The following SYT13 variants were observed in gnomAD, a reference collection of about 807,000 sequenced individuals.
SYT13 encodes synaptotagmin-13.
SYT13 carries 21 observed loss-of-function variants against 38.6 expected under a neutral mutation model. The ratio of observed to expected loss-of-function variants is 0.54; its 90% CI spans 0.39 to 0.78. The LOEUF (loss-of-function observed/expected upper bound fraction) is 0.78, where lower values mean the gene tolerates loss of function less well. Ranked by LOEUF, SYT13 falls within the 30% of genes least tolerant of loss-of-function variation. SYT13 has a pLI of 0.00. For missense variants in SYT13, 495 were observed against 548.7 expected (o/e 0.90, Z 0.98); for synonymous variants, 241 against 237.6 (o/e 1.01, Z -0.13).
intron 1 of SYT13, among the ~76,000 whole-genome samples, chr11:45,262,884 G>A (rs1854836669): frequency 6.6e-6 from 1 of 152,112 alleles, no homozygotes; most frequent in South Asian, 2.1e-4. Flanking sequence ...AGGAACTCGA[G>A]CCCTGTGAGC....
chr11:45,269,948 A>G (rs1854929682), intron 1 of SYT13, among the ~76,000 whole-genome samples: 1 of 152,226 alleles, frequency 6.6e-6, no homozygotes, highest in Non-Finnish European at 1.5e-5. Flanking sequence ...TTGTAATCTC[A>G]TCAACACTCA....
chr11:45,271,845 T>G (rs1854953716), intron 1 of SYT13, among the ~76,000 whole-genome samples: 5 of 152,074 alleles, frequency 3.3e-5, no homozygotes, highest in Admixed American at 3.3e-4. Context: ...AAAAATACAC[T>G]TCAACTATAA....
rs1287774878 is a variant in SYT13 at position 45,255,771 on chromosome 11, G to T, written c.304C>A (p.Leu102Met). 1 of 1,614,212 alleles carries T rather than the reference G, an allele frequency of 6.2e-7. No individual in the cohort carries two copies. Among genetic ancestry groups the T allele is most frequent in the Admixed American group, 1.7e-5 (1 of 60,030 alleles). Residue 102 changes from leucine (L) to methionine (M), a missense_variant, in exon 2 of 6, where the codon CTG (leucine) becomes ATG (methionine). Physicochemically the swap from Leu to Met is conservative, Grantham distance 15. Coordinates refer to ENST00000020926, the MANE Select transcript of SYT13 (RefSeq NM_020826.3). ...PEVINYADYS[L>M]RSTEEPTAPA... ...GCAGTGGGCTCCTCCGTAGACCTCAGTGAATAGTCTGCATAGTTGATGACC... is the reference window on the plus strand; with the variant it reads ...GCAGTGGGCTCCTCCGTAGACCTCATTGAATAGTCTGCATAGTTGATGACC...
rs757433553 is a variant in SYT13, at chr11:45,255,748, A to G, written c.327T>C (p.Thr109=). The change falls in exon 2 of 6, where the codon ACT becomes ACC. Residue 109 remains threonine (T), a synonymous_variant. Coordinates refer to ENST00000020926, the MANE Select transcript of SYT13 (RefSeq NM_020826.3). ...TCGGGGGTTGGGGGCTGGCAGGTGC[A>G]GTGGGCTCCTCCGTAGACCTCAGTG... ...DYSLRSTEEP[T]APASPQPPND... The G allele has an allele frequency of 3.7e-6, 6 of 1,614,176 alleles. No homozygotes were observed. Among genetic ancestry groups the G allele is most frequent in the Admixed American group, 1.7e-5 (1 of 60,024 alleles).
rs1225682199 is a variant in SYT13 at position 45,240,777 on chromosome 11, C to T, written c.*3275G>A. Reference sequence around the variant, plus strand: ...ATCTCTGAAGAAAGAACCAGATCACCTTTTTGAGCAACAGTGCATTCTGAA... The same window carrying T: ...ATCTCTGAAGAAAGAACCAGATCACTTTTTTGAGCAACAGTGCATTCTGAA... On this transcript the variant is annotated 3_prime_UTR_variant, in exon 6 of 6. Coordinates refer to ENST00000020926, the MANE Select transcript of SYT13 (RefSeq NM_020826.3). The T allele has an allele frequency of 2.0e-5, 3 of 152,232 alleles. No homozygotes were observed. Among genetic ancestry groups the T allele is most frequent in the Non-Finnish European group, 4.4e-5 (3 of 68,040 alleles). The allele number at this position is 152,232 out of a possible 1,614,324, so 9.4% of individuals were successfully genotyped here.
chr11:45,266,034 C>G (rs1590522625), intron 1 of SYT13, among the ~76,000 whole-genome samples: 1 of 152,146 alleles, frequency 6.6e-6, no homozygotes, highest in Non-Finnish European at 1.5e-5. Flanking sequence ...GTATATTTCA[C>G]TGTATGCAAA....
rs1854608012 is a variant in SYT13, at chr11:45,245,823, C to T, written c.976+560G>A. ...GGCCTCAGCCCATGTACCCACACAC[C>T]TTCTGCCATCACCCACACTCAGCTG... On this transcript the variant is annotated intron_variant, in intron 5 of 5. Transcript: ENST00000020926. Among the ~76,000 whole-genome samples the T allele has an allele frequency of 1.3e-5, 2 of 152,226 alleles. 1 individual carries two copies. The highest frequency in any genetic ancestry group is 4.1e-4 in the South Asian group (2 of 4,832).
At chr11:45,264,074 G>A (rs1854852493) in intron 1 of SYT13, among the ~76,000 whole-genome samples, 1 of 152,130 alleles carries the variant, frequency 6.6e-6, no homozygotes, top group African/African-American at 2.4e-5. Flanking sequence ...ACTTTTTGTT[G>A]TTGTTACTTT....
chr11:45,266,405 A>T (rs1462061965), intron 1 of SYT13, among the ~76,000 whole-genome samples: 1 of 152,112 alleles, frequency 6.6e-6, no homozygotes, highest in Non-Finnish European at 1.5e-5. Context: ...TTGTTTTAGT[A>T]TTAAAATGTT....
chr11:45,280,464 A>C (rs997987336), intron 1 of SYT13, among the ~76,000 whole-genome samples: 1 of 152,232 alleles, frequency 6.6e-6, no homozygotes, highest in African/African-American at 2.4e-5. Flanking sequence ...AATGTTCACA[A>C]ACATGTCACA....
intron 4 of SYT13, among the ~76,000 whole-genome samples, chr11:45,250,859 G>T (rs1299889052): frequency 2.0e-5 from 3 of 152,156 alleles, no homozygotes; most frequent in East Asian, 1.9e-4. Context: ...CCTCATATTT[G>T]TCAGGTGGCT....
intron 4 of SYT13, among the ~76,000 whole-genome samples, chr11:45,249,925 T>G (rs898488278): frequency 6.6e-6 from 1 of 152,010 alleles, no homozygotes; most frequent in Non-Finnish European, 1.5e-5. Flanking sequence ...GCTCTTGGAG[T>G]GGATTGCCCT....
chr11:45,280,921 G>C (rs1435485637), intron 1 of SYT13, among the ~76,000 whole-genome samples: 1 of 152,250 alleles, frequency 6.6e-6, no homozygotes, highest in Non-Finnish European at 1.5e-5. Flanking sequence ...CAGGCCATGA[G>C]GGCTGGCTCA....
chr11:45,279,877 A>G (rs1342129213), intron 1 of SYT13, among the ~76,000 whole-genome samples: 2 of 152,136 alleles, frequency 1.3e-5, no homozygotes, highest in African/African-American at 2.4e-5. Context: ...GCGTCCTATC[A>G]TCATTAAGGT....
rs1854544558 is a variant in SYT13, at chr11:45,241,071, T to C, written c.*2981A>G. 1 of 152,270 alleles carries C rather than the reference T, an allele frequency of 6.6e-6. No homozygotes were observed. The highest frequency in any genetic ancestry group is 2.4e-5 in the African/African-American group (1 of 41,474). 9.4% of individuals were successfully genotyped at this position (152,270 alleles called of 1,614,324 possible). On this transcript the variant is annotated 3_prime_UTR_variant, in exon 6 of 6. Coordinates refer to ENST00000020926, the MANE Select transcript of SYT13 (RefSeq NM_020826.3). ...GGAAAAGCAGAGCAATTATATTCTC[T>C]TCATCTGTTGATTACATTTACATGG... is the stretch of plus-strand genomic sequence containing the variant.
At chr11:45,246,032 C>T (rs1442168126) in intron 5 of SYT13, among the ~76,000 whole-genome samples, 1 of 152,188 alleles carries the variant, frequency 6.6e-6, no homozygotes, top group Admixed American at 6.5e-5. Flanking sequence ...ACAGCCCAGG[C>T]CCTTCACTCC....
At position 45,243,277 on chromosome 11, in the gene SYT13, G is replaced by A. The variant is rs1437302094; in HGVS notation, c.*775C>T. ...GGGCTTATGAAATGCACAAATTAAAGTATTAAGAATTAAAATAATTAAATT... is the reference window on the plus strand; with the variant it reads ...GGGCTTATGAAATGCACAAATTAAAATATTAAGAATTAAAATAATTAAATT... On this transcript the variant is annotated 3_prime_UTR_variant, in exon 6 of 6. Coordinates refer to ENST00000020926, the MANE Select transcript of SYT13 (RefSeq NM_020826.3). 6.6e-6 allele frequency: 1 copy of A among 152,218 alleles called. No homozygotes were observed. Among genetic ancestry groups the A allele is most frequent in the Non-Finnish European group, 1.5e-5 (1 of 68,036 alleles). 9.4% of individuals were successfully genotyped at this position (152,218 alleles called of 1,614,324 possible).
At chr11:45,248,076 T>C (rs1590507634) in intron 4 of SYT13, among the ~76,000 whole-genome samples, 2 of 152,250 alleles carry the variant, frequency 1.3e-5, no homozygotes, top group Non-Finnish European at 2.9e-5. Flanking sequence ...ACTACCTCTA[T>C]GACCTTGGGT....
chr11:45,250,379 TA>T (rs974169195), intron 4 of SYT13, among the ~76,000 whole-genome samples: 13 of 152,200 alleles, frequency 8.5e-5, no homozygotes, highest in Admixed American at 3.3e-4. Context: ...TGGCACATGG[TA>T]GAAACTGGGC....
Sources: gnomAD v4.1 joint callset for allele counts (sites outside exome capture counted in the v4.1 genomes callset) on GRCh38, gnomAD v4.1.1 for gene constraint, MANE v1.5 for transcripts, NCBI Gene and HGNC (gene_info 2026-07-23, HGNC 2026-07-21) for gene names.